TNKS2: variants seen among roughly 807,000 people sequenced by gnomAD.
TNKS2 encodes poly [ADP-ribose] polymerase tankyrase-2.
TNKS2 carries 72 observed loss-of-function variants against 137.6 expected under a neutral mutation model. That is an observed-to-expected ratio of 0.52 (90% CI 0.43 to 0.64). The LOEUF is 0.64. TNKS2 is among the 30% of genes least tolerant of loss of function. TNKS2 has a pLI of 0.00. For missense variants in TNKS2, 1,049 were observed against 1,410.2 expected (o/e 0.74, Z 4.10); for synonymous variants, 516 against 512.1 (o/e 1.01, Z -0.10).
chr10:91,832,123 GA>G (rs1367120895), intron 11 of TNKS2, among the ~76,000 whole-genome samples: 7 of 151,938 alleles, frequency 4.6e-5, no homozygotes, highest in Admixed American at 2.6e-4. Context: ...TGATTTGGGG[GA>G]ATTCTTGATA....
intron 23 of TNKS2, among the ~76,000 whole-genome samples, chr10:91,856,023 C>CG (rs1049441358): frequency 2.0e-5 from 3 of 152,014 alleles, no homozygotes; most frequent in African/African-American, 7.2e-5. Context: ...TTTTTTGTGG[C>CG]GGATACCATC....
At chr10:91,838,760 C>T (rs1036202149) in intron 13 of TNKS2, among the ~76,000 whole-genome samples, 2 of 152,164 alleles carry the variant, frequency 1.3e-5, no homozygotes, top group African/African-American at 4.8e-5. Context: ...TGAGGTAAAC[C>T]CACTGATAGT....
At position 91,841,390 on chromosome 10, in the gene TNKS2, C is replaced by A. The variant is rs1842206758; in HGVS notation, c.1781C>A (p.Thr594Lys). The change falls in exon 15 of 27, where the codon ACA becomes AAA. Residue 594 changes from threonine (T) to lysine (K), a missense_variant. Physicochemically the swap from Thr to Lys is moderately conservative, Grantham distance 78 (BLOSUM62 -1). Transcript: ENST00000371627. ...AATGTAGCTGATTTATGGAAATTTACACCTTTACATGAAGCAGCAGCAAAA... is the reference window on the plus strand; with the variant it reads ...AATGTAGCTGATTTATGGAAATTTAAACCTTTACATGAAGCAGCAGCAAAA... Reference protein sequence around the residue: ...VVNVADLWKFTPLHEAAAKGK... With the variant: ...VVNVADLWKFKPLHEAAAKGK... 2 of 1,609,568 alleles carry A rather than the reference C, an allele frequency of 1.2e-6. No homozygotes were observed. The highest frequency in any genetic ancestry group is 2.7e-5 in the African/African-American group (2 of 74,676).
In TNKS2 at chr10:91,827,025, C is replaced by A; in HGVS notation, c.804C>A (p.Ala268=). 6.4e-7 allele frequency: 1 copy of A among 1,567,954 alleles called. No homozygotes were observed. Among genetic ancestry groups the A allele is most frequent in the Non-Finnish European group, 8.6e-7 (1 of 1,157,508 alleles). The stretch of plus-strand genomic sequence containing the variant: ...TGCTTTTTGCTCTCCAGCATGGTGC[C>A]TGTGTAAATGCAATGGACTTGTGGC... ...EVTELLVKHG[A]CVNAMDLWQF... The change falls in exon 8 of 27, where the codon GCC becomes GCA. Residue 268 remains alanine (A), a synonymous_variant. Transcript: ENST00000371627.
chr10:91,853,985 A>C (rs977929692), intron 21 of TNKS2, among the ~76,000 whole-genome samples: 4 of 152,248 alleles, frequency 2.6e-5, no homozygotes, highest in Non-Finnish European at 4.4e-5. Context: ...AATTCTGTTT[A>C]AAATTCCATT....
rs1589636757 is a variant in TNKS2, at chr10:91,801,595, T to G, written c.199+2706T>G. ...TTCGACCGATTCTCCTGTCTCAGCC[T>G]CCTAAGTAGCTGGGATTACAGGTGC... On this transcript the variant is annotated intron_variant, in intron 1 of 26. Transcript: ENST00000371627. Among the ~76,000 whole-genome samples the G allele has an allele frequency of 5.3e-5, 8 of 152,194 alleles. 1 individual carries two copies. In the South Asian group the frequency reaches 1.7e-3, roughly 32 times the overall value.
intron 9 of TNKS2, among the ~76,000 whole-genome samples, chr10:91,830,106 T>C (rs2133632583): frequency 6.6e-6 from 1 of 152,344 alleles, no homozygotes; most frequent in Middle Eastern, 3.4e-3. Flanking sequence ...TAATGCATGC[T>C]CCTTATTCTG....
chr10:91,859,304 A>G (rs1380578739), intron 24 of TNKS2, among the ~76,000 whole-genome samples, 158 bp from the exon 25 acceptor site: 1 of 152,190 alleles, frequency 6.6e-6, no homozygotes, highest in Non-Finnish European at 1.5e-5. Context: ...TCTTTATTCT[A>G]AAATAGCTGG....
chr10:91,823,062 AAAT>A (rs1844952353), intron 7 of TNKS2, among the ~76,000 whole-genome samples: 1 of 151,672 alleles, frequency 6.6e-6, no homozygotes. Flanking sequence ...AAAAAAAAAA[AAAT>A]AATGTAGAAT....
At chr10:91,823,320 G>GTTTTTTTTTTTTTTTTTTTTT (rs3043666) in intron 7 of TNKS2, among the ~76,000 whole-genome samples, 1 of 113,624 alleles carries the variant, frequency 8.8e-6, no homozygotes, top group Non-Finnish European at 1.7e-5. Context: ...TGGTTTTTTG[G>GTTTTTTTTTTTTTTTTTTTTT]TTTTTTTTTT....
At chr10:91,851,721 T>G (rs1319642868) in intron 21 of TNKS2, among the ~76,000 whole-genome samples, 2 of 152,238 alleles carry the variant, frequency 1.3e-5, no homozygotes, top group East Asian at 3.8e-4. Context: ...GTGTTCAGGC[T>G]AACCCTTAAA....
At chr10:91,836,772 C>G (rs1842033925) in intron 12 of TNKS2, 147 bp from the exon 13 acceptor site, 1 of 1,380,318 alleles carries the variant, frequency 7.2e-7, no homozygotes, top group African/African-American at 1.5e-5. Context: ...CTCCCCAACC[C>G]TCACCCCCCT....
chr10:91,820,167 C>T (rs1844842575), intron 6 of TNKS2, 134 bp downstream of exon 6: 1 of 507,954 alleles, frequency 2.0e-6, no homozygotes, highest in Non-Finnish European at 3.2e-6. Context: ...GTACAGGTTG[C>T]TCTGAGGGCG....
At chr10:91,835,592 CTT>C (rs35247985) in intron 12 of TNKS2, among the ~76,000 whole-genome samples, 59,576 of 109,186 alleles carry the variant, frequency 0.55, 15,400 homozygotes, top group East Asian at 0.84. Context: ...CCCGGCCTTT[CTT>C]TTTTTTTTTT....
intron 4 of TNKS2, 43 bp downstream of exon 4, chr10:91,819,349 ATTAAC>A: frequency 7.1e-7 from 1 of 1,399,056 alleles, no homozygotes. Flanking sequence ...ATACTTCACC[ATTAAC>A]TTTTTCTTTT....
In TNKS2 at chr10:91,807,239, A is replaced by G. The variant is rs7093393; in HGVS notation, c.200-5744A>G. The G allele has an allele frequency of 7.0e-4, 1,120 of 1,606,828 alleles. 14 individuals carry two copies. In the African/African-American group the frequency reaches 0.013, roughly 19 times the overall value. On this transcript the variant is annotated intron_variant, in intron 1 of 26. Transcript: ENST00000371627. ...TGGCTACCATAAGTCGCATTAGTTG[A>G]CTGTGGAATTTCTCAATCTTCTTTA...
intron 8 of TNKS2, 83 bp downstream of exon 8, chr10:91,827,286 T>C (rs1405133453): frequency 7.9e-6 from 9 of 1,136,950 alleles, no homozygotes; most frequent in South Asian, 3.3e-5. Flanking sequence ...TTTTTAGAAA[T>C]GTTTAAATAA....
chr10:91,819,571 C>T lies in TNKS2; in HGVS notation c.633+14C>T, dbSNP rs1844820300. 3 of 1,567,042 alleles carry T rather than the reference C, an allele frequency of 1.9e-6. No individual in the cohort carries two copies. Among genetic ancestry groups the T allele is most frequent in the Non-Finnish European group, 2.6e-6 (3 of 1,161,162 alleles). On this transcript the variant is annotated intron_variant, in intron 5 of 26. Coordinates refer to ENST00000371627, the MANE Select transcript of TNKS2 (RefSeq NM_025235.4). Reference sequence around the variant, plus strand: ...GATGGCAGAAAGGTACTTCCTTTTGCAACTGAGTTTGTGCTTATCTCCTGG... The same window carrying T: ...GATGGCAGAAAGGTACTTCCTTTTGTAACTGAGTTTGTGCTTATCTCCTGG...
rs1842450742 is a variant in TNKS2, at chr10:91,848,534, C to T, written c.2510C>T (p.Ala837Val). ...CCATCTAGCCCATCAAGCCTTTCTG[C>T]AGCCAGCAGTCTTGACAACTTATCT... ...SGPSSPSSLS[A>V]ASSLDNLSGS... is the part of the protein sequence containing the mutation. The change falls in exon 19 of 27, where the codon GCA (alanine) becomes GTA (valine). Residue 837 changes from alanine to valine, a missense_variant. Physicochemically the swap from Ala to Val is moderately conservative, Grantham distance 64. This residue lies in a region of TNKS2 where 208 missense variants were observed against 231.2 expected (regional missense o/e 0.90). Coordinates refer to ENST00000371627, the MANE Select transcript of TNKS2 (RefSeq NM_025235.4). The T allele has an allele frequency of 6.2e-7, 1 of 1,614,164 alleles. No individual in the cohort carries two copies. Among genetic ancestry groups the T allele is most frequent in the Non-Finnish European group, 8.5e-7 (1 of 1,180,036 alleles).
Sources: allele counts gnomAD v4.1 joint callset (sites outside exome capture counted in the v4.1 genomes callset), GRCh38; gene constraint gnomAD v4.1.1; regional missense constraint gnomAD v4.1.1; transcripts MANE v1.5; gene names NCBI Gene and HGNC (gene_info 2026-07-23, HGNC 2026-07-21).